Variants in FCHSD2 observed in about 807,000 individuals in gnomAD.
FCHSD2 encodes F-BAR and double SH3 domains protein 2.
In FCHSD2, 38 loss-of-function variants were observed where a neutral mutation model predicts 108.1. The observed-to-expected ratio is 0.35, with a 90% CI of 0.27 to 0.46. The LOEUF is 0.46. Ranked by LOEUF, FCHSD2 falls within the 20% of genes least tolerant of loss-of-function variation. The probability of loss-of-function intolerance (pLI) is 1.00; values close to 1 mark genes in which losing one functional copy is unlikely to be tolerated. For synonymous variants in FCHSD2, 279 were observed against 314.7 expected (o/e 0.89, Z 1.20); for missense variants, 751 against 897.8 (o/e 0.84, Z 2.09).
chr11:73,020,778 T>A (rs1034841899), intron 3 of FCHSD2, among the ~76,000 whole-genome samples: 2 of 152,134 alleles, frequency 1.3e-5, no homozygotes, highest in Middle Eastern at 3.4e-3. Context: ...ATATGTTCTA[T>A]ATATTAAAAA....
intron 3 of FCHSD2, among the ~76,000 whole-genome samples, chr11:73,066,866 C>T (rs927702968): frequency 4.4e-4 from 67 of 152,258 alleles, no homozygotes; most frequent in African/African-American, 1.4e-3. Flanking sequence ...GAAATAGGAA[C>T]GCTCTTACAC....
At chr11:73,034,321 C>T (rs1335526518) in intron 3 of FCHSD2, among the ~76,000 whole-genome samples, 1 of 152,308 alleles carries the variant, frequency 6.6e-6, no homozygotes, top group East Asian at 1.9e-4. Flanking sequence ...CAAGTGCTCA[C>T]ACCTACTTCA....
chr11:73,115,757 A>T (rs1274884726), intron 2 of FCHSD2, among the ~76,000 whole-genome samples: 1 of 152,244 alleles, frequency 6.6e-6, no homozygotes, highest in Non-Finnish European at 1.5e-5. Flanking sequence ...GTCTTGAGGC[A>T]AAATTTCTTC....
At chr11:73,118,105 T>C (rs1390439831) in intron 2 of FCHSD2, among the ~76,000 whole-genome samples, 1 of 151,956 alleles carries the variant, frequency 6.6e-6, no homozygotes, top group Non-Finnish European at 1.5e-5. Context: ...TCACTGGAGG[T>C]CACGCATTCC....
intron 4 of FCHSD2, among the ~76,000 whole-genome samples, chr11:73,009,619 G>T (rs1857817806): frequency 1.3e-5 from 2 of 151,986 alleles, no homozygotes; most frequent in African/African-American, 4.8e-5. Flanking sequence ...TGCTTGTCTG[G>T]GAAAGAATTT....
At chr11:72,900,327 C>T (rs1451491238) in intron 10 of FCHSD2, 1 of 1,438,512 alleles carries the variant, frequency 7.0e-7, no homozygotes, top group Admixed American at 2.1e-5. Flanking sequence ...GGCTTTTAAA[C>T]TCTGCCCAGT....
Position 73,001,018 on chromosome 11 carries a change from C to G in FCHSD2, c.359G>C (p.Arg120Thr). The G allele has an allele frequency of 6.2e-7, 1 of 1,610,638 alleles. No homozygotes were observed. Among genetic ancestry groups the G allele is most frequent in the Non-Finnish European group, 8.5e-7 (1 of 1,178,392 alleles). The change falls in exon 5 of 20, where the codon AGA becomes ACA. Residue 120 changes from arginine (R) to threonine (T), a missense_variant. Transcript: ENST00000409418. Reference protein sequence around the residue: ...NFISEPARTVRSLKEQQLKRC... With the variant: ...NFISEPARTVTSLKEQQLKRC... ...TTTTAGTTGCTGTTCTTTTAAGCTT[C>G]TCACTGTCCTTGCAGGCTCAGAAAT...
chr11:72,893,371 G>A (rs376904269), intron 10 of FCHSD2, among the ~76,000 whole-genome samples: 12 of 152,042 alleles, frequency 7.9e-5, no homozygotes, highest in East Asian at 5.8e-4. Flanking sequence ...GCTGGAGTGC[G>A]GTGGTGCAAT....
chr11:73,133,516 G>A (rs949352501), intron 2 of FCHSD2, among the ~76,000 whole-genome samples: 1 of 152,184 alleles, frequency 6.6e-6, no homozygotes, highest in Non-Finnish European at 1.5e-5. Context: ...GCTCATGCCT[G>A]TAATCCCAGC....
intron 3 of FCHSD2, among the ~76,000 whole-genome samples, chr11:73,063,364 G>A (rs140556226): frequency 0.012 from 1,828 of 152,252 alleles, 25 homozygotes; most frequent in Non-Finnish European, 0.018. Flanking sequence ...TCAACACTAT[G>A]AAGAAACTGC....
chr11:73,026,689 AT>A (rs1332353209), intron 3 of FCHSD2, among the ~76,000 whole-genome samples: 1 of 152,150 alleles, frequency 6.6e-6, no homozygotes, highest in Non-Finnish European at 1.5e-5. Context: ...TTGGCTCTGT[AT>A]CCCCACCCAA....
chr11:72,858,653 A>G (rs2135185971), intron 13 of FCHSD2, among the ~76,000 whole-genome samples: 1 of 152,344 alleles, frequency 6.6e-6, no homozygotes, highest in South Asian at 2.1e-4. Flanking sequence ...ATCAGGAAAA[A>G]TAACTAATGG....
chr11:73,079,462 T>G (rs924248944), intron 3 of FCHSD2, among the ~76,000 whole-genome samples: 1 of 152,098 alleles, frequency 6.6e-6, no homozygotes, highest in Non-Finnish European at 1.5e-5. Context: ...CCTCCCAAAG[T>G]GCTGGGATTA....
chr11:73,049,331 G>T (rs947243765), intron 3 of FCHSD2, among the ~76,000 whole-genome samples: 1 of 151,952 alleles, frequency 6.6e-6, no homozygotes, highest in Admixed American at 6.6e-5. Flanking sequence ...ATTAAATTTG[G>T]TTCTGATTTC....
intron 8 of FCHSD2, among the ~76,000 whole-genome samples, chr11:72,959,853 GGTGTGTGTGTGTGT>G (rs58451717): frequency 3.4e-5 from 5 of 145,810 alleles, no homozygotes; most frequent in African/African-American, 1.0e-4. Flanking sequence ...AAGTTTCTAG[GGTGTGTGTGTGTGT>G]GTGTGTGTGT....
At chr11:73,077,045 G>A (rs1859571151) in intron 3 of FCHSD2, among the ~76,000 whole-genome samples, 1 of 144,386 alleles carries the variant, frequency 6.9e-6, no homozygotes, top group Non-Finnish European at 1.5e-5. Flanking sequence ...GGGAGGCGGA[G>A]CTTACAGTGA....
At chr11:72,896,399 G>T (rs370324130) in intron 10 of FCHSD2, among the ~76,000 whole-genome samples, 1 of 152,112 alleles carries the variant, frequency 6.6e-6, no homozygotes, top group Non-Finnish European at 1.5e-5. Flanking sequence ...TCCCAGCTTC[G>T]CTTTGTCCTT....
chr11:73,083,659 G>A (rs746925497), intron 3 of FCHSD2, 36 bp downstream of exon 3: 1 of 1,393,654 alleles, frequency 7.2e-7, no homozygotes, highest in South Asian at 1.2e-5. Context: ...CGGAAAAGAA[G>A]TATACCTAGA....
intron 9 of FCHSD2, among the ~76,000 whole-genome samples, chr11:72,904,317 T>C (rs932541751): frequency 3.3e-5 from 5 of 152,252 alleles, no homozygotes; most frequent in African/African-American, 1.2e-4. Flanking sequence ...ACCTCTCTAG[T>C]TGCCAAACTT....
Sources: gnomAD v4.1 joint callset for allele counts (sites outside exome capture counted in the v4.1 genomes callset) on GRCh38, gnomAD v4.1.1 for gene constraint, MANE v1.5 for transcripts, NCBI Gene and HGNC (gene_info 2026-07-23, HGNC 2026-07-21) for gene names.